Variants in HECW2 observed in about 807,000 individuals in gnomAD.
HECW2 encodes the protein E3 ubiquitin-protein ligase HECW2.
HECW2 carries 61 observed loss-of-function variants against 175.2 expected under a neutral mutation model. That is an observed-to-expected ratio of 0.35 (90% CI 0.28 to 0.43). The LOEUF is 0.43. HECW2 is among the 20% of genes least tolerant of loss of function. The pLI, the probability that HECW2 is intolerant of heterozygous loss-of-function variation, is 1.00. For missense variants in HECW2, 1,524 were observed against 2,000.5 expected, an observed-to-expected ratio of 0.76 and a Z score of 4.54; for synonymous variants, 671 against 731.0, an observed-to-expected ratio of 0.92 and a Z score of 1.32.
chr2:196,237,445 G>A (rs895164938), intron 21 of HECW2, among the ~76,000 whole-genome samples: 1 of 152,000 alleles, frequency 6.6e-6, no homozygotes, highest in Non-Finnish European at 1.5e-5. Flanking sequence ...TAAGATATTT[G>A]GTTTTCCATT....
In HECW2 at chr2:196,196,307, C is replaced by T. The variant is rs762711584; in HGVS notation, c.*4970G>A. ...TGGCCTTAAGCCACAATTCAGAAAG[C>T]TTTAATGTCTTCAGCATTCCTTTGC... On this transcript the variant is annotated 3_prime_UTR_variant, in exon 29 of 29. Coordinates refer to ENST00000644978, the MANE Select transcript of HECW2 (RefSeq NM_001348768.2). 1.3e-5 allele frequency: 2 copies of T among 152,194 alleles called. No homozygotes were observed. The highest frequency in any genetic ancestry group is 1.3e-4 in the Admixed American group (2 of 15,276). The allele number at this position is 152,194 out of a possible 1,614,324, so 9.4% of individuals were successfully genotyped here.
chr2:196,200,832 T>G lies in HECW2; in HGVS notation c.*445A>C, dbSNP rs1436001254. ...TGTTATAACTTAGGGCTTAAATGAA[T>G]GTACTTTCAGGAAATATATTTACTT... is the stretch of plus-strand genomic sequence containing the variant. On this transcript the variant is annotated 3_prime_UTR_variant, in exon 29 of 29. Coordinates refer to ENST00000644978, the MANE Select transcript of HECW2 (RefSeq NM_001348768.2). 6.4e-6 allele frequency: 1 copy of G among 156,400 alleles called. No homozygotes were observed. Among genetic ancestry groups the G allele is most frequent in the Non-Finnish European group, 1.4e-5 (1 of 69,874 alleles). The allele number at this position is 156,400 out of a possible 1,614,324, so 9.7% of individuals were successfully genotyped here.
chr2:196,250,827 T>C (rs912569640), intron 19 of HECW2, among the ~76,000 whole-genome samples: 1 of 152,068 alleles, frequency 6.6e-6, no homozygotes, highest in Non-Finnish European at 1.5e-5. Flanking sequence ...CCCTCTCTCT[T>C]CTCCTAACTA....
chr2:196,243,247 A>C (rs13032580), intron 19 of HECW2, among the ~76,000 whole-genome samples: 31,345 of 147,192 alleles, frequency 0.21, 4,017 homozygotes, highest in East Asian at 0.44. Context: ...AGCTCACCGC[A>C]ACCTCCATCT....
In HECW2 at chr2:196,319,326, C is replaced by G; in HGVS notation, c.1564G>C (p.Glu522Gln). ...PVENEEASTH[E>Q]AASFEDKPEN... ...GGCTTATCCTCAAAGGAAGCAGCTT[C>G]GTGTGTGGAGGCTTCCTCATTCTCA... is the stretch of plus-strand genomic sequence containing the variant. The change falls in exon 9 of 29, where the codon GAA (glutamate) becomes CAA (glutamine). Residue 522 changes from glutamate (E) to glutamine (Q), a missense_variant. Physicochemically the swap from Glu to Gln is conservative, Grantham distance 29 (BLOSUM62 2). Around this residue, in one of 11 missense-constraint regions of HECW2, gnomAD observed 604 missense variants for 588.3 expected, o/e 1.03. Coordinates refer to ENST00000644978, the MANE Select transcript of HECW2 (RefSeq NM_001348768.2). 1 of 1,614,034 alleles carries G rather than the reference C, an allele frequency of 6.2e-7. No individual in the cohort carries two copies. Among genetic ancestry groups the G allele is most frequent in the African/African-American group, 1.3e-5 (1 of 75,030 alleles).
intron 2 of HECW2, among the ~76,000 whole-genome samples, chr2:196,420,031 T>G (rs1695367084): frequency 1.3e-5 from 2 of 152,242 alleles, no homozygotes; most frequent in African/African-American, 4.8e-5. Flanking sequence ...ATTTGACTGT[T>G]GTTTTACACA....
intron 18 of HECW2, 176 bp downstream of exon 18, chr2:196,257,647 C>T (rs1689114347): frequency 6.8e-6 from 4 of 585,476 alleles, no homozygotes; most frequent in Non-Finnish European, 1.2e-5. Flanking sequence ...TAACAAATGG[C>T]AACGTGAAGT....
intron 1 of HECW2, among the ~76,000 whole-genome samples, chr2:196,586,211 T>G (rs1298465544): frequency 6.6e-6 from 1 of 152,170 alleles, no homozygotes. Flanking sequence ...AACTCCCTAA[T>G]AAAAAATTTC....
chr2:196,435,936 C>T (rs1481404083), intron 1 of HECW2, among the ~76,000 whole-genome samples: 2 of 152,188 alleles, frequency 1.3e-5, no homozygotes, highest in Non-Finnish European at 2.9e-5. Context: ...TTAATTATAT[C>T]AAGAACTGGT....
chr2:196,526,433 G>T (rs563675922), intron 1 of HECW2, among the ~76,000 whole-genome samples: 1 of 148,666 alleles, frequency 6.7e-6, no homozygotes, highest in Non-Finnish European at 1.5e-5. Context: ...ATGTCCTCCC[G>T]TAGCTCAGAG....
At chr2:196,406,694 GC>G (rs1694975243) in intron 2 of HECW2, among the ~76,000 whole-genome samples, 2 of 152,174 alleles carry the variant, frequency 1.3e-5, no homozygotes, top group Admixed American at 6.5e-5. Context: ...CCATGCTCCA[GC>G]CACTCTGGCC....
Position 196,198,714 on chromosome 2 carries a change from T to C in HECW2, c.*2563A>G, listed in dbSNP as rs1686765741. 1 of 152,222 alleles carries C rather than the reference T, an allele frequency of 6.6e-6. No individual in the cohort carries two copies. The highest frequency in any genetic ancestry group is 1.5e-5 in the Non-Finnish European group (1 of 68,038). 9.4% of individuals were successfully genotyped at this position (152,222 alleles called of 1,614,324 possible). ...TGGGTTCACAGTCCAGAAGAAAATA[T>C]TTATGGATATTTCTAATTGTAGAGT... On this transcript the variant is annotated 3_prime_UTR_variant, in exon 29 of 29. Transcript: ENST00000644978.
intron 1 of HECW2, among the ~76,000 whole-genome samples, chr2:196,532,170 C>T (rs371214242): frequency 2.0e-5 from 3 of 152,282 alleles, no homozygotes; most frequent in East Asian, 1.9e-4. Context: ...TATAAAGGCA[C>T]GTGCATATGT....
At chr2:196,569,360 A>G (rs1690296230) in intron 1 of HECW2, among the ~76,000 whole-genome samples, 1 of 150,036 alleles carries the variant, frequency 6.7e-6, no homozygotes, top group Non-Finnish European at 1.5e-5. Context: ...ACTAAACTAA[A>G]CTAAACTAAA....
chr2:196,478,503 T>A (rs1442825453), intron 1 of HECW2, among the ~76,000 whole-genome samples: 2 of 152,160 alleles, frequency 1.3e-5, no homozygotes, highest in African/African-American at 4.8e-5. Context: ...CTGTTACTTA[T>A]ACCCAACAAA....
intron 1 of HECW2, among the ~76,000 whole-genome samples, chr2:196,462,492 T>C (rs994739031): frequency 6.6e-6 from 1 of 152,226 alleles, no homozygotes; most frequent in African/African-American, 2.4e-5. Context: ...GGTGATGCTT[T>C]AATCAGATCT....
intron 1 of HECW2, among the ~76,000 whole-genome samples, chr2:196,484,455 C>T (rs1299817010): frequency 6.6e-6 from 1 of 152,146 alleles, no homozygotes; most frequent in Non-Finnish European, 1.5e-5. Flanking sequence ...CTGAAGGCTG[C>T]CCAGCACACC....
chr2:196,392,941 T>C (rs1024176170), intron 2 of HECW2, among the ~76,000 whole-genome samples: 1 of 152,166 alleles, frequency 6.6e-6, no homozygotes, highest in Non-Finnish European at 1.5e-5. Flanking sequence ...AGCATGGTAC[T>C]GGTACCAAAA....
intron 28 of HECW2, among the ~76,000 whole-genome samples, chr2:196,211,287 T>C (rs923264605): frequency 6.6e-6 from 1 of 152,166 alleles, no homozygotes; most frequent in African/African-American, 2.4e-5. Flanking sequence ...AGCAGCGCAT[T>C]TTTTGGACTG....
Sources: allele counts gnomAD v4.1 joint callset (sites outside exome capture counted in the v4.1 genomes callset), GRCh38; gene constraint gnomAD v4.1.1; regional missense constraint gnomAD v4.1.1; transcripts MANE v1.5; gene names NCBI Gene and HGNC (gene_info 2026-07-23, HGNC 2026-07-21).